Variants in RYR2 observed in about 807,000 individuals in gnomAD.
RYR2 encodes the protein ryanodine receptor 2, also known as cardiac muscle ryanodine receptor-calcium release channel.
RYR2 carries 227 observed loss-of-function variants against 601.1 expected under a neutral mutation model. The observed-to-expected ratio is 0.38, with a 90% confidence interval of 0.34 to 0.42. The LOEUF (loss-of-function observed/expected upper bound fraction) is 0.42. Ranked by LOEUF, RYR2 falls within the 10% of genes least tolerant of loss-of-function variation. The pLI, the probability that RYR2 is intolerant of heterozygous loss-of-function variation, is 1.00. For missense variants in RYR2, 4,646 were observed against 6,156.5 expected (o/e 0.75, Z 8.21); for synonymous variants, 2,223 against 2,175.1 (o/e 1.02, Z -0.61).
intron 1 of RYR2, among the ~76,000 whole-genome samples, chr1:237,210,700 C>A (rs1352943706): frequency 6.6e-6 from 1 of 152,156 alleles, no homozygotes; most frequent in Non-Finnish European, 1.5e-5. Context: ...TGCAAAGAAG[C>A]TCTGATGCTG....
chr1:237,081,149 A>C (rs1572561034), intron 1 of RYR2, among the ~76,000 whole-genome samples: 1 of 93,716 alleles, frequency 1.1e-5, no homozygotes, highest in African/African-American at 4.2e-5. Flanking sequence ...GGGAGGGGGG[A>C]GGGATAGCAT....
chr1:237,565,209 TTCTTTCTTTCTTTCTTTTG>T (rs1671925640), intron 27 of RYR2, among the ~76,000 whole-genome samples: 1 of 138,824 alleles, frequency 7.2e-6, no homozygotes, highest in Non-Finnish European at 1.6e-5. Flanking sequence ...CTTTCTTTCT[TTCTTTCTTTCTTTCTTTTG>T]TCTTTCTTTC....
intron 1 of RYR2, among the ~76,000 whole-genome samples, chr1:237,087,424 G>A (rs76373555): frequency 0.021 from 3,136 of 152,100 alleles, 95 homozygotes; most frequent in East Asian, 0.078. Context: ...TGATTTTATA[G>A]CCTACCAAAA....
chr1:237,390,474 A>G (rs1221198523), intron 10 of RYR2, among the ~76,000 whole-genome samples: 1 of 152,176 alleles, frequency 6.6e-6, no homozygotes, highest in Non-Finnish European at 1.5e-5. Context: ...AAATACACGT[A>G]AAATACTTGA....
intron 2 of RYR2, among the ~76,000 whole-genome samples, chr1:237,310,644 C>A (rs983561134): frequency 3.4e-4 from 52 of 152,316 alleles, no homozygotes; most frequent in African/African-American, 1.2e-3. Flanking sequence ...ACACCACAGA[C>A]TGTTTCTGTG....
intron 30 of RYR2, among the ~76,000 whole-genome samples, chr1:237,590,392 G>A (rs1675020712): frequency 6.6e-6 from 1 of 151,914 alleles, no homozygotes; most frequent in Non-Finnish European, 1.5e-5. Flanking sequence ...TTTATGTGTG[G>A]GCAATGTCAG....
intron 10 of RYR2, among the ~76,000 whole-genome samples, chr1:237,393,110 T>G (rs1702523622): frequency 6.6e-6 from 1 of 152,136 alleles, no homozygotes; most frequent in Non-Finnish European, 1.5e-5. Context: ...GTGGTATGTT[T>G]TGTGGGGTGG....
chr1:237,428,176 T>G (rs540684437), intron 12 of RYR2, among the ~76,000 whole-genome samples: 2 of 152,198 alleles, frequency 1.3e-5, no homozygotes, highest in African/African-American at 4.8e-5. Flanking sequence ...GCTCAACCAT[T>G]GTGGACGACA....
intron 4 of RYR2, among the ~76,000 whole-genome samples, chr1:237,356,493 G>A (rs1462436172): frequency 6.6e-6 from 1 of 151,418 alleles, no homozygotes; most frequent in Non-Finnish European, 1.5e-5. Flanking sequence ...TGAACTCCTG[G>A]ACTCAAGTGA....
intron 84 of RYR2, among the ~76,000 whole-genome samples, chr1:237,765,591 G>A (rs1396606048): frequency 6.6e-6 from 1 of 152,018 alleles, no homozygotes; most frequent in Non-Finnish European, 1.5e-5. Context: ...TTTAAGTATT[G>A]GTTACCCTAA....
At position 237,756,707 on chromosome 1, in the gene RYR2, A is replaced by G. The variant is rs778674994; in HGVS notation, c.11245+320A>G. On this transcript the variant is annotated intron_variant, in intron 81 of 104. Transcript: ENST00000366574. ...CTTTTTCTTTAAGGCTGGAGAGTCA[A>G]TATGTTCAGCTTCGAGGGTTATGCA... is the stretch of plus-strand genomic sequence containing the variant. 2.6e-5 allele frequency among the ~76,000 whole-genome samples: 4 copies of G among 152,196 alleles called. No individual in the cohort carries two copies. The South Asian group carries it at 6.2e-4, about 24-fold the overall frequency.
chr1:237,464,666 A>G (rs1326073818), intron 16 of RYR2, among the ~76,000 whole-genome samples: 3 of 152,296 alleles, frequency 2.0e-5, no homozygotes, highest in Non-Finnish European at 4.4e-5. Flanking sequence ...GAAATTTCTA[A>G]AAAACACAGT....
chr1:237,536,300 A>T (rs1426020563), intron 25 of RYR2, among the ~76,000 whole-genome samples: 1 of 152,230 alleles, frequency 6.6e-6, no homozygotes, highest in Non-Finnish European at 1.5e-5. Context: ...AAATCTGTGC[A>T]TCAAAAGCAT....
At chr1:237,795,836 G>GTATATATATATATATATATATATATA (rs1553329286) in intron 96 of RYR2, among the ~76,000 whole-genome samples, 5 of 132,670 alleles carry the variant, frequency 3.8e-5, no homozygotes, top group African/African-American at 1.4e-4. Flanking sequence ...GTGTGTGTGT[G>GTATATATATATATATATATATATATA]TATATATATA....
At chr1:237,685,324 C>G (rs1355205590) in intron 62 of RYR2, among the ~76,000 whole-genome samples, 1 of 152,140 alleles carries the variant, frequency 6.6e-6, no homozygotes, top group Non-Finnish European at 1.5e-5. Context: ...GAGGACCTTG[C>G]CTTCTGTATC....
intron 27 of RYR2, among the ~76,000 whole-genome samples, chr1:237,561,511 G>C (rs566220372): frequency 6.6e-6 from 1 of 152,296 alleles, no homozygotes; most frequent in South Asian, 2.1e-4. Context: ...GTAGAGATTA[G>C]TGTCAGAAAG....
intron 73 of RYR2, among the ~76,000 whole-genome samples, chr1:237,719,308 A>G (rs1573657739): frequency 6.6e-6 from 1 of 152,196 alleles, no homozygotes; most frequent in Admixed American, 6.5e-5. Flanking sequence ...TATATTTTTA[A>G]GAGTCGTTAG....
chr1:237,794,368 A>G lies in RYR2; in HGVS notation c.13913+371A>G, dbSNP rs181166224. 4.0e-3 allele frequency among the ~76,000 whole-genome samples: 610 copies of G among 152,318 alleles called. 1 individual carries two copies. The highest frequency in any genetic ancestry group is 6.3e-3 in the Admixed American group (97 of 15,298). On this transcript the variant is annotated intron_variant, in intron 95 of 104. Transcript: ENST00000366574. ...TCATTAACGAAAAAGTTGTAGCATT[A>G]AAGGAAAATGCATTGAATTTTACAC... is the stretch of plus-strand genomic sequence containing the variant.
At chr1:237,583,025 A>C (rs552318481) in intron 29 of RYR2, among the ~76,000 whole-genome samples, 7 of 152,004 alleles carry the variant, frequency 4.6e-5, no homozygotes, top group Admixed American at 3.9e-4. Context: ...CAGTGGCTCA[A>C]CTTATTTACA....
Sources: gnomAD v4.1 joint callset for allele counts (sites outside exome capture counted in the v4.1 genomes callset) on GRCh38, gnomAD v4.1.1 for gene constraint, MANE v1.5 for transcripts, NCBI Gene and HGNC (gene_info 2026-07-23, HGNC 2026-07-21) for gene names.